The following TIAM1 variants were observed in gnomAD, a reference collection of about 807,000 sequenced individuals.
The protein encoded by TIAM1 is rho guanine nucleotide exchange factor TIAM1.
In TIAM1, 65 loss-of-function variants were observed where a neutral mutation model predicts 163.5. The ratio of observed to expected loss-of-function variants is 0.40; its 90% CI spans 0.33 to 0.49. TIAM1 has a LOEUF of 0.49. TIAM1 is among the 20% of genes least tolerant of loss of function. The pLI, the probability that TIAM1 is intolerant of heterozygous loss-of-function variation, is 0.77. For missense variants in TIAM1, 1,789 were observed against 2,044.7 expected (o/e 0.87, Z 2.41); for synonymous variants, 833 against 810.1 (o/e 1.03, Z -0.48).
At chr21:31,497,720 A>G (rs2046713009) in intron 1 of TIAM1, among the ~76,000 whole-genome samples, 1 of 152,234 alleles carries the variant, frequency 6.6e-6, no homozygotes, top group African/African-American at 2.4e-5. Flanking sequence ...GCGAGCAGAC[A>G]GTTTGGAGTG....
chr21:31,154,163 A>G (rs2083504229), intron 17 of TIAM1, 84 bp downstream of exon 17: 14 of 1,413,870 alleles, frequency 9.9e-6, no homozygotes, highest in Non-Finnish European at 1.2e-5. Context: ...AGTTTAAATC[A>G]GCTGTTAATG....
At chr21:31,496,726 C>T (rs2046667516) in intron 1 of TIAM1, among the ~76,000 whole-genome samples, 1 of 152,150 alleles carries the variant, frequency 6.6e-6, no homozygotes, top group African/African-American at 2.4e-5. Context: ...CACTGACCCA[C>T]TCACCGCAAC....
Position 31,154,361 on chromosome 21 carries a change from T to A in TIAM1, c.3057A>T (p.Pro1019=). ...LHEMNPSDQS[P]SPQDSTGPQL... ...GAGGCCCCGTGGAGTCCTGAGGAGA[T>A]GGGCTCTGGTCAGAGGGGTTCATCT... is the stretch of plus-strand genomic sequence containing the variant. The change falls in exon 17 of 28, where the codon CCA becomes CCT. Residue 1019 remains proline (P), a synonymous_variant. Coordinates refer to ENST00000541036, the MANE Select transcript of TIAM1 (RefSeq NM_001353694.2). The A allele has an allele frequency of 6.2e-7, 1 of 1,614,056 alleles. No individual in the cohort carries two copies. The highest frequency in any genetic ancestry group is 1.3e-5 in the African/African-American group (1 of 75,008).
chr21:31,139,312 T>C (rs1436227041), intron 22 of TIAM1, among the ~76,000 whole-genome samples: 1 of 152,166 alleles, frequency 6.6e-6, no homozygotes, highest in Non-Finnish European at 1.5e-5. Context: ...AAATGTTCAT[T>C]TCCATGGCCC....
rs2074842767 is a variant in TIAM1, at chr21:31,309,492, C to T, written c.-189+29751G>A. 2.0e-5 allele frequency among the ~76,000 whole-genome samples: 3 copies of T among 152,072 alleles called. No homozygotes were observed. In the South Asian group the frequency reaches 6.2e-4, roughly 32 times the overall value. On this transcript the variant is annotated intron_variant, in intron 2 of 27. Transcript: ENST00000541036. ...TAAATAAATGAATAAAAAAATAAAACGAAACTCTTGCAAAATTATTTGAAA... is the reference window on the plus strand; with the variant it reads ...TAAATAAATGAATAAAAAAATAAAATGAAACTCTTGCAAAATTATTTGAAA...
intron 2 of TIAM1, among the ~76,000 whole-genome samples, chr21:31,439,684 T>C (rs898532813): frequency 1.4e-4 from 21 of 152,206 alleles, no homozygotes; most frequent in African/African-American, 4.8e-4. Flanking sequence ...ATGTATAAGC[T>C]TCCTATTCTA....
intron 2 of TIAM1, among the ~76,000 whole-genome samples, chr21:31,403,158 AT>A (rs1400518773): frequency 4.0e-5 from 6 of 151,886 alleles, no homozygotes; most frequent in Non-Finnish European, 7.4e-5. Flanking sequence ...ATACTTTTTT[AT>A]TTTTTTAAGA....
intron 2 of TIAM1, among the ~76,000 whole-genome samples, chr21:31,317,866 C>A (rs1427967215): frequency 1.3e-5 from 2 of 152,216 alleles, no homozygotes; most frequent in African/African-American, 4.8e-5. Context: ...GACAAAAGTA[C>A]ATGTGCCTAC....
At chr21:31,160,087 G>GT (rs781521270) in intron 16 of TIAM1, among the ~76,000 whole-genome samples, 1 of 152,152 alleles carries the variant, frequency 6.6e-6, no homozygotes, top group Non-Finnish European at 1.5e-5. Flanking sequence ...CACCATGCAC[G>GT]TAACACAAAA....
intron 2 of TIAM1, among the ~76,000 whole-genome samples, chr21:31,382,075 G>C (rs1289427635): frequency 1.3e-5 from 2 of 152,180 alleles, no homozygotes; most frequent in African/African-American, 4.8e-5. Context: ...TATGAGGAGA[G>C]ACTTGTGCAG....
chr21:31,407,802 A>AT (rs1263948093), intron 2 of TIAM1, among the ~76,000 whole-genome samples: 1 of 151,546 alleles, frequency 6.6e-6, no homozygotes, highest in East Asian at 1.9e-4. Flanking sequence ...CGCCTGGGTA[A>AT]TTTTTTTGTA....
intron 2 of TIAM1, among the ~76,000 whole-genome samples, chr21:31,281,671 G>A (rs2073572328): frequency 6.6e-6 from 1 of 152,118 alleles, no homozygotes; most frequent in African/African-American, 2.4e-5. Context: ...TAGATGAATG[G>A]ACAGATAAGT....
rs533559245 is a variant in TIAM1 at position 31,465,343 on chromosome 21, G to A, written c.-421-1308C>T. On this transcript the variant is annotated intron_variant, in intron 1 of 28. Coordinates refer to the TIAM1 transcript ENST00000286827. ...CCAAAGCTCAAACGATCCTCCCACC[G>A]CAGCCTCCCAAGTAGCTGGGACTAC... 3.3e-5 allele frequency among the ~76,000 whole-genome samples: 5 copies of A among 152,048 alleles called. No homozygotes were observed. The South Asian group carries it at 8.3e-4, about 25-fold the overall frequency.
At chr21:31,526,033 CAAAAAAA>C (rs10706618) in intron 1 of TIAM1, among the ~76,000 whole-genome samples, 1 of 107,704 alleles carries the variant, frequency 9.3e-6, no homozygotes, top group African/African-American at 3.5e-5. Flanking sequence ...GACTCCATCT[CAAAAAAA>C]AAAAAAAAAA....
rs368810722 is a variant in TIAM1 at position 31,226,013 on chromosome 21, C to T, written c.1585-63G>A. The stretch of plus-strand genomic sequence containing the variant: ...TCTTAGGAACTTAAGAGAAATGAAC[C>T]GGAGCATTTCCAGAGAAGCAATGCC... On this transcript the variant is annotated intron_variant, in intron 6 of 27. Coordinates refer to ENST00000541036, the MANE Select transcript of TIAM1 (RefSeq NM_001353694.2). 126 of 1,461,878 alleles carry T rather than the reference C, an allele frequency of 8.6e-5. No individual in the cohort carries two copies. The Admixed American group carries it at 2.0e-3, about 24-fold the overall frequency. The allele number at this position is 1,461,878 out of a possible 1,614,324, so 90.6% of individuals were successfully genotyped here.
intron 2 of TIAM1, among the ~76,000 whole-genome samples, chr21:31,325,830 T>C (rs767571250): frequency 5.8e-4 from 88 of 152,188 alleles, no homozygotes; most frequent in Non-Finnish European, 1.0e-3. Context: ...GGAGGGGGCA[T>C]TGAAGAACCC....
chr21:31,281,617 C>T (rs1490780678), intron 2 of TIAM1, among the ~76,000 whole-genome samples: 1 of 152,088 alleles, frequency 6.6e-6, no homozygotes, highest in Non-Finnish European at 1.5e-5. Context: ...CATACTTAGA[C>T]CCCAAATCAG....
chr21:31,349,421 C>CCACA (rs1159390609), intron 2 of TIAM1, among the ~76,000 whole-genome samples: 1 of 152,158 alleles, frequency 6.6e-6, no homozygotes, highest in African/African-American at 2.4e-5. Context: ...GCTGTCCCAC[C>CCACA]CACACACACA....
chr21:31,503,125 T>C (rs935962518), intron 1 of TIAM1, among the ~76,000 whole-genome samples: 1 of 152,060 alleles, frequency 6.6e-6, no homozygotes, highest in African/African-American at 2.4e-5. Context: ...CTGGGTGCGG[T>C]GGTTCACGCC....
Sources: gnomAD v4.1 joint callset for allele counts (sites outside exome capture counted in the v4.1 genomes callset) on GRCh38, gnomAD v4.1.1 for gene constraint, MANE v1.5 for transcripts, NCBI Gene and HGNC (gene_info 2026-07-23, HGNC 2026-07-21) for gene names.